Variants in MYH4 observed in about 807,000 individuals in gnomAD.
MYH4 encodes the protein myosin-4.
Under a neutral mutation model 229.9 loss-of-function variants are expected in MYH4, and 200 were observed. The ratio of observed to expected loss-of-function variants is 0.87; its 90% CI spans 0.78 to 0.98. The LOEUF (loss-of-function observed/expected upper bound fraction) is 0.98. MYH4 is among the 50% of genes least tolerant of loss of function. The pLI, the probability that MYH4 is intolerant of heterozygous loss-of-function variation, is 0.00. For missense variants in MYH4, 2,148 were observed against 2,332.6 expected, an observed-to-expected ratio of 0.92 and a Z score of 1.63; for synonymous variants, 761 against 834.6, an observed-to-expected ratio of 0.91 and a Z score of 1.52.
rs747976101 is a variant in MYH4 at position 10,448,376 on chromosome 17, T to C, written c.4656+20A>G. The C allele has an allele frequency of 1.9e-6, 3 of 1,604,686 alleles. No individual in the cohort carries two copies. The highest frequency in any genetic ancestry group is 2.5e-6 in the Non-Finnish European group (3 of 1,177,132). On this transcript the variant is annotated intron_variant, in intron 33 of 39. Transcript: ENST00000255381. ...TTTCAATTTATTTATAATGCAGAGC[T>C]AAGCAAATGAAAAATGTACCTCTGC... is the stretch of plus-strand genomic sequence containing the variant.
chr17:10,469,396 C>G (rs1393322133), intron 1 of MYH4, 60 bp from the exon 2 acceptor site: 1 of 152,074 alleles, frequency 6.6e-6, no homozygotes, highest in Non-Finnish European at 1.5e-5. Flanking sequence ...TCACAAAATA[C>G]TAGTAACTAT....
At chr17:10,467,307 G>T (rs78403869) in intron 2 of MYH4, among the ~76,000 whole-genome samples, 1 of 152,072 alleles carries the variant, frequency 6.6e-6, no homozygotes, top group African/African-American at 2.4e-5. Context: ...ATTGAATGTA[G>T]ACAGATACAC....
At position 10,444,774 on chromosome 17, in the gene MYH4, A is replaced by C. The variant is rs757933878; in HGVS notation, c.5571+21T>G. The C allele has an allele frequency of 1.9e-6, 3 of 1,613,410 alleles. No homozygotes were observed. In the South Asian group the frequency reaches 3.3e-5, roughly 18 times the overall value. Reference sequence around the variant, plus strand: ...TTTTCTTGAAAACTATAGGCCTGGAAGATATGAAAACACTGGTCACCTGGT... The same window carrying C: ...TTTTCTTGAAAACTATAGGCCTGGACGATATGAAAACACTGGTCACCTGGT... On this transcript the variant is annotated intron_variant, in intron 38 of 39. Transcript: ENST00000255381.
intron 2 of MYH4, 38 bp from the exon 3 acceptor site, chr17:10,466,822 T>G: frequency 6.4e-7 from 1 of 1,555,856 alleles, no homozygotes; most frequent in Non-Finnish European, 8.8e-7. Context: ...GATTCAGGGT[T>G]GGGGTGGAGA....
At position 10,457,562 on chromosome 17, in the gene MYH4, A is replaced by G. The variant is rs1597420717; in HGVS notation, c.1755T>C (p.Tyr585=). The part of the protein sequence containing the change: ...KPEAHFSLVH[Y]AGTVDYNIAG... ...CGATGTTGTAGTCCACGGTGCCGGC[A>G]TAGTGCACCAGTGAGAAGTGAGCCT... The change falls in exon 16 of 40, where the codon TAT becomes TAC. Residue 585 remains tyrosine (Y), a synonymous_variant. Transcript: ENST00000255381. 1 of 1,614,050 alleles carries G rather than the reference A, an allele frequency of 6.2e-7. No individual in the cohort carries two copies. The highest frequency in any genetic ancestry group is 8.5e-7 in the Non-Finnish European group (1 of 1,180,022).
chr17:10,448,502 G>T lies in MYH4; in HGVS notation c.4550C>A (p.Thr1517Lys), dbSNP rs146240035. ...KNLQQEISDL[T>K]EQIAEGGKHI... is the part of the protein sequence containing the mutation. ...CTTTCCACCCTCTGCAATTTGCTCT[G>T]TCAGGTCAGAAATCTCCTCTGTAAT... Residue 1517 changes from threonine (T) to lysine (K), a missense_variant, in exon 33 of 40, where the codon ACA (threonine) becomes AAA (lysine). By Grantham distance (78) the Thr-to-Lys change is moderately conservative (BLOSUM62 -1). Transcript: ENST00000255381. 109 of 1,613,678 alleles carry T rather than the reference G, an allele frequency of 6.8e-5. No homozygotes were observed. In the African/African-American group the frequency reaches 1.1e-3, roughly 17 times the overall value.
At position 10,445,106 on chromosome 17, in the gene MYH4, G is replaced by C. The variant is rs1015196587; in HGVS notation, c.5336C>G (p.Thr1779Ser). ...MAEELKKEQD[T>S]SAHLERMKKN... is the part of the protein sequence containing the mutation. ...CTTCATCCGCTCCAGGTGGGCGCTG[G>C]TGTCCTGTTCCTTCTTCAGCTCCTC... The change falls in exon 37 of 40, where the codon ACC becomes AGC. Residue 1779 changes from threonine (T) to serine (S), a missense_variant. By Grantham distance (58) the Thr-to-Ser change is moderately conservative. Transcript: ENST00000255381. 3 of 1,614,002 alleles carry C rather than the reference G, an allele frequency of 1.9e-6. No individual in the cohort carries two copies. Among genetic ancestry groups the C allele is most frequent in the Non-Finnish European group, 2.5e-6 (3 of 1,180,022 alleles).
Position 10,444,713 on chromosome 17 carries a change from A to G in MYH4, c.5572-14T>C, listed in dbSNP as rs372264460. The G allele has an allele frequency of 8.1e-5, 130 of 1,613,136 alleles. No homozygotes were observed. In the African/African-American group the frequency reaches 1.6e-3, roughly 20 times the overall value. On this transcript the variant is annotated splice_polypyrimidine_tract_variant and intron_variant, in intron 38 of 39. Transcript: ENST00000255381. The stretch of plus-strand genomic sequence containing the variant: ...GTCCTCCTCAGTCTGAAAGAGGTGC[A>G]AGTAGATGGTGCCATTATTTTAAAA...
intron 27 of MYH4, 57 bp downstream of exon 27, chr17:10,451,884 C>G: frequency 1.3e-6 from 2 of 1,543,100 alleles, no homozygotes; most frequent in Non-Finnish European, 1.7e-6. Flanking sequence ...CATATATAAA[C>G]TTGGTCATTT....
chr17:10,453,948 A>G, intron 22 of MYH4, 63 bp from the exon 23 acceptor site: 1 of 1,588,384 alleles, frequency 6.3e-7, no homozygotes, highest in Non-Finnish European at 8.6e-7. Flanking sequence ...ACAATAATTT[A>G]TTATAAGGTG....
intron 30 of MYH4, 27 bp downstream of exon 30, chr17:10,450,426 C>T (rs1235780258): frequency 6.2e-7 from 1 of 1,613,832 alleles, no homozygotes; most frequent in Non-Finnish European, 8.5e-7. Flanking sequence ...TTATTTCTTC[C>T]TGCTCCCCTG....
At position 10,454,927 on chromosome 17, in the gene MYH4, G is replaced by A. The variant is rs181678032; in HGVS notation, c.2435+14C>T. The A allele has an allele frequency of 4.9e-5, 79 of 1,613,876 alleles. 1 individual carries two copies. In the East Asian group the frequency reaches 9.8e-4, roughly 20 times the overall value. ...GAAAGTGTGGAGCAGGAAGACTTGT[G>A]TGTGGGCTCTCACCTCCTCTCCATC... On this transcript the variant is annotated intron_variant, in intron 21 of 39. Transcript: ENST00000255381.
intron 7 of MYH4, 73 bp downstream of exon 7, chr17:10,464,399 A>T: frequency 8.0e-7 from 1 of 1,243,108 alleles, no homozygotes. Context: ...TTCTGTATAC[A>T]GTCTACTGTT....
chr17:10,463,712 C>A, intron 7 of MYH4, 69 bp from the exon 8 acceptor site: 1 of 1,228,384 alleles, frequency 8.1e-7, no homozygotes, highest in South Asian at 1.4e-5. Flanking sequence ...GACCTCTTTC[C>A]CTTCCCCATT....
rs1378577071 is a variant in MYH4 at position 10,447,798 on chromosome 17, G to A, written c.4965+20C>T. ...TAGCACTGAGACTGTACAACACTAT[G>A]TGTATTTACCCCAGCATACCTTCAG... is the stretch of plus-strand genomic sequence containing the variant. On this transcript the variant is annotated intron_variant, in intron 34 of 39. Transcript: ENST00000255381. 1.3e-6 allele frequency: 2 copies of A among 1,586,236 alleles called. No individual in the cohort carries two copies. The highest frequency in any genetic ancestry group is 8.6e-7 in the Non-Finnish European group (1 of 1,165,406).
rs538556644 is a variant in MYH4, at chr17:10,443,410, G to A, written c.5785C>T (p.Arg1929Trp). The A allele has an allele frequency of 6.2e-6, 10 of 1,614,020 alleles. No individual in the cohort carries two copies. Among genetic ancestry groups the A allele is most frequent in the East Asian group, 2.2e-5 (1 of 44,876 alleles). Residue 1929 changes from arginine (R) to tryptophan (W), a missense_variant, in exon 40 of 40, where the codon CGG becomes TGG. Transcript: ENST00000255381. The surrounding 1 kb of genome is among the most constrained non-coding windows in gnomAD (Gnocchi z 4.6). ...CTTATGACTTTTGTGTGAACCTCCC[G>A]ACTCTTCACTCTCAGCTTGTTGACT... Reference protein sequence around the residue: ...SQVNKLRVKSREVHTKVISEE With the variant: ...SQVNKLRVKSWEVHTKVISEE
intron 5 of MYH4, 114 bp downstream of exon 5, chr17:10,465,328 C>A: frequency 7.7e-7 from 1 of 1,306,620 alleles, no homozygotes; most frequent in Non-Finnish European, 1.1e-6. Context: ...TTTATTATTT[C>A]TGTTATCATG....
intron 5 of MYH4, 57 bp from the exon 6 acceptor site, chr17:10,464,765 A>G (rs2072744275): frequency 5.2e-6 from 8 of 1,538,716 alleles, no homozygotes; most frequent in Non-Finnish European, 7.1e-6. Context: ...ACATAGGTCA[A>G]CGCAGTACTT....
rs1161016006 is a variant in MYH4 at position 10,455,199 on chromosome 17, G to C, written c.2271C>G (p.His757Gln). The change falls in exon 20 of 40, where the codon CAC becomes CAG. Residue 757 changes from histidine (H) to glutamine (Q), a missense_variant. Transcript: ENST00000255381. The part of the protein sequence containing the change: ...EKLLGSIEID[H>Q]TQYKFGHTKV... ...TGGTATGACCGAATTTGTACTGGGT[G>C]TGGTCAATTTCAATAGACCCTAGAA... 1.9e-6 allele frequency: 3 copies of C among 1,614,024 alleles called. No individual in the cohort carries two copies. The highest frequency in any genetic ancestry group is 2.7e-5 in the African/African-American group (2 of 74,914).
Sources: allele counts gnomAD v4.1 joint callset (sites outside exome capture counted in the v4.1 genomes callset), GRCh38; gene constraint gnomAD v4.1.1; non-coding constraint Gnocchi (gnomAD v3.1); transcripts MANE v1.5; gene names NCBI Gene and HGNC (gene_info 2026-07-23, HGNC 2026-07-21).